PDE11A: variants seen among roughly 807,000 people sequenced by gnomAD.
PDE11A encodes dual 3',5'-cyclic-AMP and -GMP phosphodiesterase 11A.
PDE11A carries 100 observed loss-of-function variants against 100.5 expected under a neutral mutation model. That is an observed-to-expected ratio of 1.00 (90% confidence interval 0.85 to 1.18). The LOEUF (loss-of-function observed/expected upper bound fraction) is 1.18, where lower values mean the gene tolerates loss of function less well. PDE11A is among the 50% of genes most tolerant of loss of function. The probability of loss-of-function intolerance (pLI) is 0.00; values close to 1 mark genes in which losing one functional copy is unlikely to be tolerated. For missense variants in PDE11A, 1,141 were observed against 1,152.6 expected (o/e 0.99, Z 0.15); for synonymous variants, 381 against 420.8 (o/e 0.91, Z 1.16).
intron 4 of PDE11A, among the ~76,000 whole-genome samples, chr2:177,893,012 T>TC (rs35929026): frequency 6.6e-6 from 1 of 151,974 alleles, no homozygotes; most frequent in African/African-American, 2.4e-5. Flanking sequence ...AAGTTTCAAC[T>TC]CCCCCCACCT....
At chr2:177,769,647 G>C (rs2082284802) in intron 9 of PDE11A, among the ~76,000 whole-genome samples, 2 of 152,158 alleles carry the variant, frequency 1.3e-5, no homozygotes, top group African/African-American at 2.4e-5. Flanking sequence ...CAGCATTTGG[G>C]AGGGCAAGAT....
intron 6 of PDE11A, among the ~76,000 whole-genome samples, chr2:177,834,550 C>A (rs2105610936): frequency 6.6e-6 from 1 of 152,360 alleles, no homozygotes; most frequent in East Asian, 1.9e-4. Flanking sequence ...CCCCACTCCC[C>A]TCCTGTCTGG....
chr2:177,803,241 A>G (rs1012493672), intron 9 of PDE11A, among the ~76,000 whole-genome samples: 1 of 151,806 alleles, frequency 6.6e-6, no homozygotes, highest in Non-Finnish European at 1.5e-5. Context: ...TAAAAGCAGA[A>G]TCTTAGATTA....
At chr2:177,704,322 A>G (rs2081246237) in intron 13 of PDE11A, among the ~76,000 whole-genome samples, 1 of 152,184 alleles carries the variant, frequency 6.6e-6, no homozygotes, top group Non-Finnish European at 1.5e-5. Context: ...AGAATGGAGC[A>G]TGGTACTAAC....
chr2:177,735,296 G>A (rs556300641), intron 10 of PDE11A, among the ~76,000 whole-genome samples: 27 of 152,128 alleles, frequency 1.8e-4, no homozygotes, highest in African/African-American at 6.5e-4. Context: ...ATAAAAAAAT[G>A]TTTAAAGGTC....
intron 10 of PDE11A, among the ~76,000 whole-genome samples, chr2:177,740,341 G>A (rs1423788527): frequency 6.6e-6 from 1 of 152,122 alleles, no homozygotes; most frequent in Admixed American, 6.5e-5. Flanking sequence ...TGTTTAGACA[G>A]GTTGGCTAGT....
At chr2:177,668,271 G>A (rs1487745810) in intron 18 of PDE11A, among the ~76,000 whole-genome samples, 1 of 152,168 alleles carries the variant, frequency 6.6e-6, no homozygotes, top group Non-Finnish European at 1.5e-5. Context: ...TGGTATTGCT[G>A]CATTGTAAAC....
chr2:177,863,390 AGCAAACTATGTATTGGGAACAAATATTT>A (rs2083976346), intron 5 of PDE11A, among the ~76,000 whole-genome samples: 2 of 152,166 alleles, frequency 1.3e-5, no homozygotes, highest in African/African-American at 4.8e-5. Flanking sequence ...AAAATGAAAT[AGCAAACTATGTATTGGGAACAAATATTT>A]GCAAACTATA....
chr2:178,084,891 T>C (rs1195511592), intron 2 of PDE11A, among the ~76,000 whole-genome samples: 1 of 152,152 alleles, frequency 6.6e-6, no homozygotes, highest in East Asian at 1.9e-4. Context: ...TTAACATAAG[T>C]TTTGATCAGT....
intron 2 of PDE11A, among the ~76,000 whole-genome samples, chr2:178,095,464 G>C (rs1164720334): frequency 2.6e-5 from 4 of 152,212 alleles, no homozygotes; most frequent in Non-Finnish European, 5.9e-5. Context: ...TGGCTTTGCA[G>C]GGTACAGCCC....
At chr2:177,920,917 C>T (rs568272913) in intron 2 of PDE11A, among the ~76,000 whole-genome samples, 59 of 152,000 alleles carry the variant, frequency 3.9e-4, no homozygotes, top group Admixed American at 5.9e-4. Context: ...AAAAAATTAG[C>T]CGGGCGTGGT....
At chr2:177,754,335 C>T (rs2082062597) in intron 10 of PDE11A, among the ~76,000 whole-genome samples, 1 of 152,044 alleles carries the variant, frequency 6.6e-6, no homozygotes, top group East Asian at 1.9e-4. Flanking sequence ...GAAAATACTG[C>T]AGACAAAAAA....
At chr2:177,916,662 T>C (rs74672805) in intron 2 of PDE11A, among the ~76,000 whole-genome samples, 11,340 of 152,310 alleles carry the variant, frequency 0.074, 430 homozygotes, top group South Asian at 0.099. Context: ...TCTCTAGTGC[T>C]GACATTTTCT....
Position 177,623,446 on chromosome 2 carries a change from G to A in PDE11A, c.*5961C>T, listed in dbSNP as rs545841961. On this transcript the variant is annotated 3_prime_UTR_variant, in exon 20 of 20. Coordinates refer to ENST00000286063, the MANE Select transcript of PDE11A (RefSeq NM_016953.4). ...ATTGAAAACGTATTTCCTTTCTTTCGTGTAAAACAATAATAATTAGGAAGG... is the reference window on the plus strand; with the variant it reads ...ATTGAAAACGTATTTCCTTTCTTTCATGTAAAACAATAATAATTAGGAAGG... The A allele has an allele frequency of 4.6e-5, 7 of 152,258 alleles. No individual in the cohort carries two copies. In the East Asian group the frequency reaches 9.6e-4, roughly 21 times the overall value. 9.4% of individuals were successfully genotyped at this position (152,258 alleles called of 1,614,324 possible). A position where few individuals can be genotyped will look rare whatever the true frequency, so the allele number is the denominator to read the frequency against.
chr2:177,849,018 A>G (rs2105643135), intron 5 of PDE11A, among the ~76,000 whole-genome samples: 1 of 152,360 alleles, frequency 6.6e-6, no homozygotes, highest in South Asian at 2.1e-4. Flanking sequence ...ATAACAGTTT[A>G]CTTAGATGTC....
At chr2:177,724,377 C>T (rs1417403625) in intron 12 of PDE11A, among the ~76,000 whole-genome samples, 4 of 151,696 alleles carry the variant, frequency 2.6e-5, no homozygotes, top group Non-Finnish European at 4.4e-5. Flanking sequence ...ACACATGAAC[C>T]TGAATACTTT....
At chr2:177,779,917 T>C (rs142579933) in intron 9 of PDE11A, among the ~76,000 whole-genome samples, 87 of 152,324 alleles carry the variant, frequency 5.7e-4, no homozygotes, top group African/African-American at 1.9e-3. Flanking sequence ...TTGGAATCAC[T>C]ATGTATGGCA....
At chr2:177,941,380 A>T (rs934308391) in intron 2 of PDE11A, among the ~76,000 whole-genome samples, 30 of 151,928 alleles carry the variant, frequency 2.0e-4, no homozygotes, top group African/African-American at 7.0e-4. Context: ...CCACCCTTCC[A>T]CATCTTTTCC....
intron 19 of PDE11A, among the ~76,000 whole-genome samples, chr2:177,653,628 C>A (rs2105463925): frequency 6.6e-6 from 1 of 152,220 alleles, no homozygotes; most frequent in East Asian, 1.9e-4. Flanking sequence ...TGTGAAAACA[C>A]AGACACAAAA....
Sources: allele counts gnomAD v4.1 joint callset (sites outside exome capture counted in the v4.1 genomes callset), GRCh38; gene constraint gnomAD v4.1.1; transcripts MANE v1.5; gene names NCBI Gene and HGNC (gene_info 2026-07-23, HGNC 2026-07-21).